Variants in DCC observed in about 807,000 individuals in gnomAD.
DCC encodes the protein netrin receptor DCC.
Under a neutral mutation model 172.5 loss-of-function variants are expected in DCC, and 58 were observed. That is an observed-to-expected ratio of 0.34 (90% CI 0.27 to 0.42). The LOEUF (loss-of-function observed/expected upper bound fraction) is 0.42, where lower values mean the gene tolerates loss of function less well. DCC is among the 10% of genes least tolerant of loss of function. The pLI is 1.00. For synonymous variants in DCC, 709 were observed against 644.5 expected, an observed-to-expected ratio of 1.10 and a Z score of -1.52; for missense variants, 1,740 against 1,791.0, an observed-to-expected ratio of 0.97 and a Z score of 0.51.
At chr18:52,905,778 CTTTG>C (rs1451569079) in intron 2 of DCC, among the ~76,000 whole-genome samples, 5 of 152,134 alleles carry the variant, frequency 3.3e-5, no homozygotes, top group Admixed American at 1.3e-4. Context: ...ATCTTATCTA[CTTTG>C]TTTATTTTAC....
chr18:53,427,932 A>T (rs370334484), intron 21 of DCC, among the ~76,000 whole-genome samples: 50 of 33,998 alleles, frequency 1.5e-3, no homozygotes, highest in Non-Finnish European at 3.3e-3. Flanking sequence ...TATATAATAT[A>T]ATATAATATA....
At chr18:52,874,301 A>T (rs1169643175) in intron 2 of DCC, among the ~76,000 whole-genome samples, 1 of 152,230 alleles carries the variant, frequency 6.6e-6, no homozygotes, top group Non-Finnish European at 1.5e-5. Flanking sequence ...GCTTAAAAAC[A>T]TTATAAAGAC....
chr18:53,079,031 A>G (rs2042762086), intron 7 of DCC, among the ~76,000 whole-genome samples: 2 of 152,164 alleles, frequency 1.3e-5, no homozygotes. Context: ...ATGAAAATGT[A>G]CCAAAGCAGA....
chr18:52,672,417 CA>C (rs2035570341), intron 1 of DCC, among the ~76,000 whole-genome samples: 1 of 151,956 alleles, frequency 6.6e-6, no homozygotes, highest in Admixed American at 6.6e-5. Context: ...TAAGTGTATC[CA>C]ATTTTTATGG....
chr18:52,486,561 A>G (rs1045925535), intron 1 of DCC, among the ~76,000 whole-genome samples: 1 of 152,184 alleles, frequency 6.6e-6, no homozygotes, highest in Non-Finnish European at 1.5e-5. Flanking sequence ...CTTTTAATCA[A>G]CAAAGATGGA....
At chr18:52,783,704 GTGTA>G (rs139769416) in intron 2 of DCC, among the ~76,000 whole-genome samples, 8,019 of 151,700 alleles carry the variant, frequency 0.053, 285 homozygotes, top group South Asian at 0.16. Context: ...TATATATAGT[GTGTA>G]TATATAGTAT....
intron 15 of DCC, among the ~76,000 whole-genome samples, chr18:53,345,452 T>C (rs376884976): frequency 6.6e-6 from 1 of 152,248 alleles, no homozygotes; most frequent in East Asian, 1.9e-4. Flanking sequence ...GCATTGAAAA[T>C]CCCATTAGAC....
chr18:53,253,877 T>C (rs2144663817), intron 12 of DCC, among the ~76,000 whole-genome samples: 1 of 152,210 alleles, frequency 6.6e-6, no homozygotes, highest in East Asian at 1.9e-4. Context: ...CTATTCTACA[T>C]GACTAATGAG....
At chr18:52,768,562 G>T (rs1234261398) in intron 2 of DCC, among the ~76,000 whole-genome samples, 1 of 152,158 alleles carries the variant, frequency 6.6e-6, no homozygotes, top group Non-Finnish European at 1.5e-5. Flanking sequence ...CTGACTGATT[G>T]CAGAATTCTT....
At chr18:53,493,704 A>AAAAAACCAGCTCCTTGATTCATTGAT in intron 26 of DCC, among the ~76,000 whole-genome samples, 1 of 152,112 alleles carries the variant, frequency 6.6e-6, no homozygotes, top group Admixed American at 6.5e-5. Context: ...TGATCTTTTC[A>AAAAAACCAGCTCCTTGATTCATTGAT]AAAAACCAGC....
At chr18:53,458,603 A>G (rs1015648169) in intron 23 of DCC, among the ~76,000 whole-genome samples, 1 of 152,226 alleles carries the variant, frequency 6.6e-6, no homozygotes, top group Non-Finnish European at 1.5e-5. Flanking sequence ...CATGTGAAAT[A>G]CATTTTCAAA....
chr18:53,190,849 G>A (rs1449496638), intron 9 of DCC, among the ~76,000 whole-genome samples: 3 of 152,286 alleles, frequency 2.0e-5, no homozygotes, highest in East Asian at 1.9e-4. Context: ...GGGAGGCCAA[G>A]GCAGGAGAAT....
intron 15 of DCC, among the ~76,000 whole-genome samples, chr18:53,372,572 A>G (rs778889989): frequency 1.3e-5 from 2 of 152,104 alleles, no homozygotes; most frequent in Non-Finnish European, 2.9e-5. Flanking sequence ...GTTTACCTAT[A>G]TAACAAACTT....
intron 8 of DCC, among the ~76,000 whole-genome samples, chr18:53,173,212 T>C (rs1473651391): frequency 1.3e-5 from 2 of 152,108 alleles, no homozygotes; most frequent in African/African-American, 2.4e-5. Flanking sequence ...TCCATATTTC[T>C]TAGCCTTACC....
At chr18:52,645,935 GT>G (rs2035009692) in intron 1 of DCC, among the ~76,000 whole-genome samples, 1 of 152,212 alleles carries the variant, frequency 6.6e-6, no homozygotes, top group African/African-American at 2.4e-5. Context: ...GCATTTGGAG[GT>G]TAGGTGCTTA....
intron 5 of DCC, among the ~76,000 whole-genome samples, chr18:52,943,014 A>T (rs1202130145): frequency 1.3e-5 from 2 of 152,204 alleles, no homozygotes; most frequent in Non-Finnish European, 2.9e-5. Context: ...TGCCTGCCAC[A>T]GAGTATGCAT....
At chr18:53,210,993 T>C (rs1426055958) in intron 11 of DCC, among the ~76,000 whole-genome samples, 1 of 152,098 alleles carries the variant, frequency 6.6e-6, no homozygotes, top group Non-Finnish European at 1.5e-5. Context: ...CATATGATCA[T>C]CTAAATAATT....
At chr18:53,037,457 T>A (rs1193768430) in intron 5 of DCC, among the ~76,000 whole-genome samples, 1 of 151,968 alleles carries the variant, frequency 6.6e-6, no homozygotes, top group Admixed American at 6.6e-5. Context: ...GAGATGATTT[T>A]ATTGTTCATG....
chr18:52,556,510 C>A (rs936573585), intron 1 of DCC, among the ~76,000 whole-genome samples: 1 of 152,034 alleles, frequency 6.6e-6, no homozygotes, highest in Admixed American at 6.6e-5. Flanking sequence ...GTTAGAACAT[C>A]CTGCAGCAAG....
Sources: allele counts gnomAD v4.1 joint callset (sites outside exome capture counted in the v4.1 genomes callset), GRCh38; gene constraint gnomAD v4.1.1; transcripts MANE v1.5; gene names NCBI Gene and HGNC (gene_info 2026-07-23, HGNC 2026-07-21).